The following SLC35F4 variants were observed in gnomAD, a reference collection of about 807,000 sequenced individuals.
The protein encoded by SLC35F4 is solute carrier family 35 member F4.
SLC35F4 carries 24 observed loss-of-function variants against 44.2 expected under a neutral mutation model. The ratio of observed to expected loss-of-function variants is 0.54; its 90% CI spans 0.39 to 0.76. SLC35F4 has a LOEUF of 0.76. Ranked by LOEUF, SLC35F4 falls within the 30% of genes least tolerant of loss-of-function variation. The pLI, the probability that SLC35F4 is intolerant of heterozygous loss-of-function variation, is 0.00. For synonymous variants in SLC35F4, 238 were observed against 223.6 expected (o/e 1.06, Z -0.57); for missense variants, 562 against 586.1 (o/e 0.96, Z 0.42).
chr14:57,934,474 T>C (rs1201812228), intron 1 of SLC35F4, among the ~76,000 whole-genome samples: 1 of 151,844 alleles, frequency 6.6e-6, no homozygotes, highest in Admixed American at 6.6e-5. Context: ...CCATAGTCAG[T>C]AAAAGTCACC....
chr14:57,657,784 C>G (rs1305884868), intron 1 of SLC35F4, among the ~76,000 whole-genome samples: 1 of 152,086 alleles, frequency 6.6e-6, no homozygotes, highest in African/African-American at 2.4e-5. Context: ...TTTGAGGTTC[C>G]TAAGCATTCT....
intron 1 of SLC35F4, among the ~76,000 whole-genome samples, chr14:57,656,217 A>C (rs1420590076): frequency 6.6e-6 from 1 of 151,898 alleles, no homozygotes; most frequent in Non-Finnish European, 1.5e-5. Context: ...GTGTGTGTAC[A>C]TATCTACCAA....
chr14:57,745,275 C>G (rs1352537197), intron 1 of SLC35F4, among the ~76,000 whole-genome samples: 1 of 152,146 alleles, frequency 6.6e-6, no homozygotes, highest in Non-Finnish European at 1.5e-5. Context: ...GCAAGAGAAA[C>G]TACCATCAGA....
At chr14:57,872,246 A>G (rs1436858632) in intron 1 of SLC35F4, among the ~76,000 whole-genome samples, 1 of 152,228 alleles carries the variant, frequency 6.6e-6, no homozygotes, top group Non-Finnish European at 1.5e-5. Flanking sequence ...GTTTTATTTC[A>G]TCATTATTTT....
intron 1 of SLC35F4, among the ~76,000 whole-genome samples, chr14:57,653,576 T>C (rs74648332): frequency 0.063 from 9,580 of 152,244 alleles, 445 homozygotes; most frequent in South Asian, 0.096. Flanking sequence ...ACATACTTTC[T>C]ATCACCACCA....
intron 1 of SLC35F4, among the ~76,000 whole-genome samples, chr14:57,754,674 T>C (rs977358537): frequency 4.6e-5 from 7 of 152,218 alleles, no homozygotes; most frequent in African/African-American, 7.2e-5. Context: ...TCAGGGCTCA[T>C]GAATTATGTG....
intron 1 of SLC35F4, among the ~76,000 whole-genome samples, chr14:57,698,136 C>T (rs1354479639): frequency 6.6e-6 from 1 of 152,206 alleles, no homozygotes; most frequent in Non-Finnish European, 1.5e-5. Flanking sequence ...CAGCACCAGA[C>T]ATCTTCTTAG....
At chr14:57,668,041 T>C (rs1305362457) in intron 1 of SLC35F4, among the ~76,000 whole-genome samples, 1 of 148,998 alleles carries the variant, frequency 6.7e-6, no homozygotes, top group Admixed American at 6.7e-5. Flanking sequence ...TGGTGTGAGA[T>C]GGTATCTCAT....
chr14:57,954,965 A>G (rs1311805609), intron 1 of SLC35F4, among the ~76,000 whole-genome samples: 1 of 150,266 alleles, frequency 6.7e-6, no homozygotes, highest in Non-Finnish European at 1.5e-5. Flanking sequence ...AAAAAAAAAA[A>G]AAAACCTGGC....
At chr14:57,654,303 T>C (rs2073889239) in intron 1 of SLC35F4, among the ~76,000 whole-genome samples, 2 of 152,282 alleles carry the variant, frequency 1.3e-5, no homozygotes, top group African/African-American at 2.4e-5. Flanking sequence ...CTTTGCGTCC[T>C]CATAGCTTAG....
chr14:57,593,292 A>T (rs1266041486), intron 2 of SLC35F4, among the ~76,000 whole-genome samples: 1 of 152,220 alleles, frequency 6.6e-6, no homozygotes, highest in East Asian at 1.9e-4. Context: ...CCAGCAGTCT[A>T]GTGGACCCAG....
At chr14:57,676,104 C>T (rs766420005) in intron 1 of SLC35F4, among the ~76,000 whole-genome samples, 1 of 152,028 alleles carries the variant, frequency 6.6e-6, no homozygotes, top group Non-Finnish European at 1.5e-5. Context: ...ACAAGGAACT[C>T]AAATCAGCAA....
chr14:57,678,344 C>G (rs2074769816), intron 1 of SLC35F4, among the ~76,000 whole-genome samples: 1 of 152,044 alleles, frequency 6.6e-6, no homozygotes. Flanking sequence ...CACCACCAGG[C>G]CTGCCTCACA....
At chr14:57,630,537 C>T in intron 1 of SLC35F4, 2 of 1,120,154 alleles carry the variant, frequency 1.8e-6, no homozygotes, top group Non-Finnish European at 2.7e-6. Context: ...AAAATAGATT[C>T]CAAAACACAT....
intron 1 of SLC35F4, among the ~76,000 whole-genome samples, chr14:57,691,851 G>A (rs2075242259): frequency 6.6e-6 from 1 of 152,168 alleles, no homozygotes; most frequent in Non-Finnish European, 1.5e-5. Flanking sequence ...TGCTACGGGG[G>A]TGGAGGGCCT....
rs150260430 is a variant in SLC35F4 at position 57,823,499 on chromosome 14, G to A, written c.103+42224C>T. On this transcript the variant is annotated intron_variant, in intron 1 of 7. Transcript: ENST00000556826. Reference sequence around the variant, plus strand: ...CGCTCCAGGGGAGTGGCATAAATTTGAATCACGCAAAGCCCCTGAGGGGCC... The same window carrying A: ...CGCTCCAGGGGAGTGGCATAAATTTAAATCACGCAAAGCCCCTGAGGGGCC... Among the ~76,000 whole-genome samples, 236 of 152,292 alleles carry A rather than the reference G, an allele frequency of 1.5e-3. 8 individuals are homozygous for A. In the East Asian group the frequency reaches 0.041, roughly 26 times the overall value.
chr14:57,681,745 T>A (rs894647733), intron 1 of SLC35F4, among the ~76,000 whole-genome samples: 12 of 152,022 alleles, frequency 7.9e-5, no homozygotes, highest in African/African-American at 2.9e-4. Flanking sequence ...TTGCAATCTA[T>A]CCTTCTGACA....
At chr14:57,870,527 CA>C (rs1888276000), upstream of SLC35F4, among the ~76,000 whole-genome samples, 1 of 152,118 alleles carries the variant, frequency 6.6e-6, no homozygotes, top group Non-Finnish European at 1.5e-5. Flanking sequence ...CTGTGACTGG[CA>C]TATAGTAAGC....
chr14:57,795,528 A>G, intron 1 of SLC35F4, among the ~76,000 whole-genome samples: 1 of 152,204 alleles, frequency 6.6e-6, no homozygotes, highest in East Asian at 1.9e-4. Context: ...GTATTGATCC[A>G]ATATAATAAA....
Sources: gnomAD v4.1 joint callset for allele counts (sites outside exome capture counted in the v4.1 genomes callset) on GRCh38, gnomAD v4.1.1 for gene constraint, MANE v1.5 for transcripts, NCBI Gene and HGNC (gene_info 2026-07-23, HGNC 2026-07-21) for gene names.